The following SPIDR variants were observed in gnomAD, a reference collection of about 807,000 sequenced individuals.
SPIDR encodes scaffold protein involved in DNA repair.
In SPIDR, 93 loss-of-function variants were observed where a neutral mutation model predicts 104.6. That is an observed-to-expected ratio of 0.89 (90% CI 0.75 to 1.06). SPIDR has a LOEUF of 1.06. Ranked by LOEUF, SPIDR falls within the 50% of genes least tolerant of loss-of-function variation. The pLI is 0.00. For missense variants in SPIDR, 1,154 were observed against 1,111.2 expected, an observed-to-expected ratio of 1.04 and a Z score of -0.55; for synonymous variants, 431 against 416.9, an observed-to-expected ratio of 1.03 and a Z score of -0.41.
chr8:47,553,622 C>G lies in SPIDR; in HGVS notation c.1098-42189C>G, dbSNP rs570825506. On this transcript the variant is annotated intron_variant, in intron 8 of 19. Coordinates refer to ENST00000297423, the MANE Select transcript of SPIDR (RefSeq NM_001080394.4). ...GATCATGTAAGGTCTTCTCTACACT[C>G]TTTATTCTAGTTAGCCATTCGTCTA... Among the ~76,000 whole-genome samples the G allele has an allele frequency of 2.7e-3, 418 of 152,306 alleles. 1 individual carries two copies. The highest frequency in any genetic ancestry group is 9.8e-3 in the African/African-American group (409 of 41,582).
chr8:47,673,439 A>G (rs1221230768), intron 10 of SPIDR: 1 of 462,172 alleles, frequency 2.2e-6, no homozygotes, highest in Non-Finnish European at 4.3e-6. Flanking sequence ...TGGGAAAAGG[A>G]CACTCTGTTT....
chr8:47,427,830 G>C (rs1554686165), intron 7 of SPIDR, among the ~76,000 whole-genome samples: 1 of 152,202 alleles, frequency 6.6e-6, no homozygotes, highest in African/African-American at 2.4e-5. Context: ...CTCTGAGGCT[G>C]GGGGCCCCTG....
At chr8:47,452,724 A>T (rs1299527204) in intron 8 of SPIDR, among the ~76,000 whole-genome samples, 1 of 152,166 alleles carries the variant, frequency 6.6e-6, no homozygotes. Flanking sequence ...AAATAATAAG[A>T]GCTATTTATG....
intron 8 of SPIDR, among the ~76,000 whole-genome samples, chr8:47,591,898 G>A (rs1293599496): frequency 6.6e-6 from 1 of 151,984 alleles, no homozygotes; most frequent in Non-Finnish European, 1.5e-5. Context: ...AACGGGGCGG[G>A]GGGGCACTGC....
chr8:47,530,728 ATTTC>A (rs550675823), intron 8 of SPIDR, among the ~76,000 whole-genome samples: 120 of 152,160 alleles, frequency 7.9e-4, no homozygotes, highest in African/African-American at 2.3e-3. Flanking sequence ...ATAAAAAAGC[ATTTC>A]TTTCTTTAAT....
chr8:47,599,291 C>T (rs2061983808), intron 10 of SPIDR, 95 bp downstream of exon 10: 2 of 1,495,372 alleles, frequency 1.3e-6, no homozygotes, highest in South Asian at 1.3e-5. Context: ...ACGTTCTTAG[C>T]TGCATTCACC....
At chr8:47,386,786 T>G (rs2059954607) in intron 5 of SPIDR, among the ~76,000 whole-genome samples, 1 of 151,994 alleles carries the variant, frequency 6.6e-6, no homozygotes, top group Non-Finnish European at 1.5e-5. Context: ...GATGATGATA[T>G]TGTTGTGGTT....
At chr8:47,493,723 A>G (rs1397623065) in intron 8 of SPIDR, among the ~76,000 whole-genome samples, 1 of 152,140 alleles carries the variant, frequency 6.6e-6, no homozygotes, top group African/African-American at 2.4e-5. Flanking sequence ...AAAATGTTCC[A>G]TCTAGTGACA....
intron 10 of SPIDR, among the ~76,000 whole-genome samples, chr8:47,650,869 A>G (rs1365676788): frequency 6.6e-6 from 1 of 152,218 alleles, no homozygotes; most frequent in African/African-American, 2.4e-5. Context: ...ACCCTATTTA[A>G]TCATTGGTGA....
intron 14 of SPIDR, among the ~76,000 whole-genome samples, chr8:47,706,019 G>T (rs2081035228): frequency 6.6e-6 from 1 of 152,152 alleles, no homozygotes; most frequent in African/African-American, 2.4e-5. Context: ...TTTCACAGTA[G>T]ATTGCAAAGA....
intron 10 of SPIDR, among the ~76,000 whole-genome samples, chr8:47,627,775 G>A (rs554771283): frequency 1.6e-4 from 24 of 152,110 alleles, no homozygotes; most frequent in Non-Finnish European, 2.9e-4. Flanking sequence ...CAGACCCGCC[G>A]GTTCATTCAC....
intron 5 of SPIDR, among the ~76,000 whole-genome samples, chr8:47,367,887 A>C (rs1302849096): frequency 6.6e-6 from 1 of 152,248 alleles, no homozygotes; most frequent in East Asian, 1.9e-4. Flanking sequence ...GCTGGAGATT[A>C]TAGGAACAGT....
At chr8:47,634,623 G>C (rs1398289193) in intron 10 of SPIDR, among the ~76,000 whole-genome samples, 1 of 152,128 alleles carries the variant, frequency 6.6e-6, no homozygotes, top group African/African-American at 2.4e-5. Flanking sequence ...TTAGCGTCAT[G>C]CACTGCACTG....
intron 5 of SPIDR, among the ~76,000 whole-genome samples, chr8:47,355,105 G>C (rs928617130): frequency 6.6e-6 from 1 of 151,740 alleles, no homozygotes; most frequent in Non-Finnish European, 1.5e-5. Flanking sequence ...ACAGGCACCC[G>C]CCACCACGCC....
chr8:47,313,806 A>G (rs1448513018), intron 5 of SPIDR, among the ~76,000 whole-genome samples: 2 of 152,226 alleles, frequency 1.3e-5, no homozygotes, highest in Non-Finnish European at 2.9e-5. Context: ...TCTTATCAGA[A>G]ATAATGCAGG....
chr8:47,342,972 A>G (rs1368616099), intron 5 of SPIDR, among the ~76,000 whole-genome samples: 2 of 152,208 alleles, frequency 1.3e-5, no homozygotes, highest in African/African-American at 4.8e-5. Flanking sequence ...CTCCAAGCTC[A>G]TTATCTAGCT....
chr8:47,464,545 C>T (rs1231088048), intron 8 of SPIDR, among the ~76,000 whole-genome samples: 4 of 152,150 alleles, frequency 2.6e-5, no homozygotes, highest in Admixed American at 2.6e-4. Flanking sequence ...GGGACTCCTT[C>T]CTAGCCCCTG....
At chr8:47,586,310 A>G (rs947785714) in intron 8 of SPIDR, among the ~76,000 whole-genome samples, 2 of 152,122 alleles carry the variant, frequency 1.3e-5, no homozygotes, top group African/African-American at 4.8e-5. Flanking sequence ...TTTTTTTCCA[A>G]AAGAAAAAAA....
chr8:47,597,599 T>A (rs1405932286), intron 9 of SPIDR, among the ~76,000 whole-genome samples: 1 of 152,380 alleles, frequency 6.6e-6, no homozygotes, highest in East Asian at 1.9e-4. Context: ...GTTCATTTTC[T>A]CTATTCTTGT....
Sources: allele counts gnomAD v4.1 joint callset (sites outside exome capture counted in the v4.1 genomes callset), GRCh38; gene constraint gnomAD v4.1.1; transcripts MANE v1.5; gene names NCBI Gene and HGNC (gene_info 2026-07-23, HGNC 2026-07-21).